ATP2C2: variants seen among roughly 807,000 people sequenced by gnomAD.
ATP2C2 encodes calcium-transporting ATPase type 2C member 2.
A neutral mutation model predicts 110.8 loss-of-function variants in ATP2C2; 171 were observed. That is an observed-to-expected ratio of 1.54 (90% CI 1.36 to 1.75). The LOEUF is 1.75. Among genes scored for constraint, ATP2C2 ranks in the 40% most tolerant of loss-of-function variants. The pLI, the probability that ATP2C2 is intolerant of heterozygous loss-of-function variation, is 0.00. For missense variants in ATP2C2, 1,963 were observed against 1,235.0 expected, an observed-to-expected ratio of 1.59 and a Z score of -8.84; for synonymous variants, 804 against 508.4, an observed-to-expected ratio of 1.58 and a Z score of -7.82.
At chr16:84,411,221 G>A (rs1445310840) in intron 6 of ATP2C2, among the ~76,000 whole-genome samples, 2 of 152,076 alleles carry the variant, frequency 1.3e-5, no homozygotes. Context: ...GAGTGAACTT[G>A]AGTAACTACT....
At chr16:84,410,888 T>C in intron 6 of ATP2C2, 123 bp downstream of exon 6, 1 of 980,776 alleles carries the variant, frequency 1.0e-6, no homozygotes, top group South Asian at 1.5e-5. Flanking sequence ...CACATCTCAC[T>C]GGGAGTTCTA....
intron 14 of ATP2C2, among the ~76,000 whole-genome samples, chr16:84,442,139 A>C (rs957894777): frequency 1.3e-5 from 2 of 152,068 alleles, no homozygotes; most frequent in Non-Finnish European, 2.9e-5. Flanking sequence ...TCACCCCGTT[A>C]AAGTGCACAA....
chr16:84,373,513 C>CAAA (rs1555550389), intron 1 of ATP2C2, among the ~76,000 whole-genome samples: 16 of 151,856 alleles, frequency 1.1e-4, no homozygotes, highest in South Asian at 2.1e-4. Context: ...ACAACAACAA[C>CAAA]AAAAAAAGAG....
chr16:84,432,713 G>T (rs1354697089), intron 11 of ATP2C2, among the ~76,000 whole-genome samples: 1 of 152,008 alleles, frequency 6.6e-6, no homozygotes, highest in Non-Finnish European at 1.5e-5. Context: ...TAGAGATGGG[G>T]TTTCACTATG....
At chr16:84,372,304 T>C (rs1339901385) in intron 1 of ATP2C2, among the ~76,000 whole-genome samples, 1 of 152,204 alleles carries the variant, frequency 6.6e-6, no homozygotes, top group Non-Finnish European at 1.5e-5. Context: ...GAAAAGAGTA[T>C]GTGTGTGGGA....
chr16:84,452,710 G>C (rs1327855534), intron 18 of ATP2C2, among the ~76,000 whole-genome samples: 2 of 152,022 alleles, frequency 1.3e-5, no homozygotes, highest in African/African-American at 2.4e-5. Context: ...TGTTGCCCAG[G>C]CTGGTCTTGA....
intron 1 of ATP2C2, among the ~76,000 whole-genome samples, chr16:84,370,986 C>T (rs1909921138): frequency 6.6e-6 from 1 of 152,204 alleles, no homozygotes; most frequent in African/African-American, 2.4e-5. Flanking sequence ...CATTTCCTGA[C>T]AGCCAGTTTT....
chr16:84,451,620 C>G (rs961822444), intron 17 of ATP2C2, among the ~76,000 whole-genome samples: 2 of 152,114 alleles, frequency 1.3e-5, no homozygotes, highest in African/African-American at 4.8e-5. Context: ...GGCAGATCAC[C>G]TGAGGTCAGG....
intron 11 of ATP2C2, among the ~76,000 whole-genome samples, chr16:84,432,133 G>C (rs1278461043): frequency 6.6e-6 from 1 of 152,052 alleles, no homozygotes; most frequent in Non-Finnish European, 1.5e-5. Flanking sequence ...ATTTCAGTAG[G>C]CTTTTCGGGA....
intron 7 of ATP2C2, among the ~76,000 whole-genome samples, chr16:84,419,676 C>T (rs1016147262): frequency 6.6e-6 from 1 of 152,102 alleles, no homozygotes; most frequent in Non-Finnish European, 1.5e-5. Context: ...ACTCCCCATC[C>T]ACATCGCTCA....
intron 1 of ATP2C2, among the ~76,000 whole-genome samples, chr16:84,373,227 TG>T (rs1910059275): frequency 3.3e-5 from 5 of 152,014 alleles, no homozygotes; most frequent in Admixed American, 3.3e-4. Flanking sequence ...AGGCTGGGCA[TG>T]GTGGCTTACG....
chr16:84,412,744 T>C (rs190160723), intron 6 of ATP2C2, among the ~76,000 whole-genome samples: 1 of 152,188 alleles, frequency 6.6e-6, no homozygotes, highest in Non-Finnish European at 1.5e-5. Context: ...TTGGTTGAGG[T>C]CCTGTCAGGC....
chr16:84,453,582 G>T (rs949042171), intron 20 of ATP2C2, among the ~76,000 whole-genome samples: 3 of 152,210 alleles, frequency 2.0e-5, no homozygotes, highest in Admixed American at 6.5e-5. Flanking sequence ...CTCCCTTGGA[G>T]AGGACGAGGC....
chr16:84,411,284 C>A (rs971452360), intron 6 of ATP2C2, among the ~76,000 whole-genome samples: 1 of 148,956 alleles, frequency 6.7e-6, no homozygotes, highest in African/African-American at 2.5e-5. Context: ...GGTTACTGCA[C>A]GGCTCTTACC....
intron 4 of ATP2C2, among the ~76,000 whole-genome samples, chr16:84,409,452 GA>G (rs899705893): frequency 1.5e-4 from 23 of 150,534 alleles, no homozygotes; most frequent in African/African-American, 3.4e-4. Context: ...AGTATAACAA[GA>G]AAAAAAAATG....
At chr16:84,440,371 G>T (rs1909133905) in intron 13 of ATP2C2, among the ~76,000 whole-genome samples, 1 of 152,222 alleles carries the variant, frequency 6.6e-6, no homozygotes. Context: ...AAACCAAGGG[G>T]TGAACAGGTG....
At chr16:84,409,427 T>C (rs904423238) in intron 4 of ATP2C2, among the ~76,000 whole-genome samples, 9 of 152,178 alleles carry the variant, frequency 5.9e-5, no homozygotes, top group South Asian at 2.1e-4. Flanking sequence ...TGTGCACATG[T>C]ACCCTAGAAC....
intron 7 of ATP2C2, 100 bp from the exon 8 acceptor site, chr16:84,422,290 G>C: frequency 2.2e-6 from 3 of 1,381,916 alleles, no homozygotes; most frequent in Non-Finnish European, 3.0e-6. Flanking sequence ...CTGTGTTCTT[G>C]AGTTCATGTC....
At position 84,461,791 on chromosome 16, in the gene ATP2C2, C is replaced by G. The variant is rs143164105; in HGVS notation, c.2559C>G (p.Asn853Lys). The G allele has an allele frequency of 6.2e-7, 1 of 1,614,186 alleles. No individual in the cohort carries two copies. Reference sequence around the variant, plus strand: ...GTTTTGTGTTTTTCGATCTCTTCAACGCCTTGACCTGCCGCTCTCAGGTGA... The same window carrying G: ...GTTTTGTGTTTTTCGATCTCTTCAAGGCCTTGACCTGCCGCTCTCAGGTGA... ...FTCFVFFDLFNALTCRSQTKL... is the reference protein window; with the variant it reads ...FTCFVFFDLFKALTCRSQTKL... Residue 853 changes from asparagine (N) to lysine (K), a missense_variant, in exon 25 of 27, where the codon AAC (asparagine) becomes AAG (lysine). By Grantham distance (94) the Asn-to-Lys change is moderately conservative. Transcript: ENST00000262429.
Sources: allele counts gnomAD v4.1 joint callset (sites outside exome capture counted in the v4.1 genomes callset), GRCh38; gene constraint gnomAD v4.1.1; transcripts MANE v1.5; gene names NCBI Gene and HGNC (gene_info 2026-07-23, HGNC 2026-07-21).